The following PTPRK variants were observed in gnomAD, a reference collection of about 807,000 sequenced individuals.
PTPRK encodes receptor-type tyrosine-protein phosphatase kappa.
PTPRK carries 75 observed loss-of-function variants against 178.0 expected under a neutral mutation model. The ratio of observed to expected loss-of-function variants is 0.42; its 90% CI spans 0.35 to 0.51. The LOEUF (loss-of-function observed/expected upper bound fraction) is 0.51. PTPRK is among the 20% of genes least tolerant of loss of function. The pLI, the probability that PTPRK is intolerant of heterozygous loss-of-function variation, is 0.02. For synonymous variants in PTPRK, 637 were observed against 620.6 expected, an observed-to-expected ratio of 1.03 and a Z score of -0.39; for missense variants, 1,441 against 1,797.8, an observed-to-expected ratio of 0.80 and a Z score of 3.59.
intron 14 of PTPRK, among the ~76,000 whole-genome samples, chr6:128,007,331 T>C (rs1472701006): frequency 1.3e-5 from 2 of 150,876 alleles, no homozygotes; most frequent in African/African-American, 4.8e-5. Context: ...TCTTTAAAAG[T>C]GCAGCTTTTC....
chr6:128,324,183 C>T (rs965218943), intron 2 of PTPRK, among the ~76,000 whole-genome samples: 1 of 152,020 alleles, frequency 6.6e-6, no homozygotes, highest in Non-Finnish European at 1.5e-5. Context: ...ACAGTTCCAC[C>T]CCCTCCCCTC....
chr6:128,059,776 A>G (rs1780506803), intron 13 of PTPRK, among the ~76,000 whole-genome samples: 1 of 152,166 alleles, frequency 6.6e-6, no homozygotes, highest in South Asian at 2.1e-4. Flanking sequence ...AAATGCTTGA[A>G]TCATCTTCAG....
chr6:128,456,168 G>T (rs1439137130), intron 1 of PTPRK, among the ~76,000 whole-genome samples: 1 of 151,916 alleles, frequency 6.6e-6, no homozygotes, highest in African/African-American at 2.4e-5. Context: ...CTGAAAATCT[G>T]CCCTGACAAA....
Position 128,231,772 on chromosome 6 carries a change from C to T in PTPRK, c.693+8263G>A, listed in dbSNP as rs143183734. On this transcript the variant is annotated intron_variant, in intron 5 of 29. Coordinates refer to ENST00000368226, the MANE Select transcript of PTPRK (RefSeq NM_002844.4). ...AAACAATGGTTCTAATAGACAAATGCGCTCCAAAACTAGAAATTGAAAAAA... is the reference window on the plus strand; with the variant it reads ...AAACAATGGTTCTAATAGACAAATGTGCTCCAAAACTAGAAATTGAAAAAA... Among the ~76,000 whole-genome samples the T allele has an allele frequency of 4.6e-3, 700 of 152,272 alleles. 5 individuals are homozygous for T. Among genetic ancestry groups the T allele is most frequent in the African/African-American group, 0.016 (665 of 41,556 alleles).
rs116757880 is a variant in PTPRK, at chr6:128,209,026, T to A, written c.868+9896A>T. 1.3e-3 allele frequency among the ~76,000 whole-genome samples: 202 copies of A among 152,248 alleles called. 1 individual carries two copies. The highest frequency in any genetic ancestry group is 4.6e-3 in the African/African-American group (192 of 41,564). The stretch of plus-strand genomic sequence containing the variant: ...CTCCTACTGTCATTACACAATGCTT[T>A]AACAACATTGCTGCCTAATCTCTCA... On this transcript the variant is annotated intron_variant, in intron 6 of 29. Transcript: ENST00000368226.
At chr6:128,064,154 T>C (rs7769691) in intron 13 of PTPRK, among the ~76,000 whole-genome samples, 131,434 of 152,224 alleles carry the variant, frequency 0.86, 56,907 homozygotes, top group East Asian at 1. Flanking sequence ...ACTCTAAATA[T>C]TCATTCAAAG....
chr6:128,047,194 C>T (rs907455342), intron 13 of PTPRK, among the ~76,000 whole-genome samples: 2 of 152,088 alleles, frequency 1.3e-5, no homozygotes, highest in Admixed American at 1.3e-4. Flanking sequence ...TCTTTTGTAA[C>T]AAGTGATTGT....
rs191491453 is a variant in PTPRK at position 128,438,511 on chromosome 6, C to T, written c.101-40823G>A. The stretch of plus-strand genomic sequence containing the variant: ...CAGGAAATGGAGAAGAGCCAGTCAG[C>T]ATTCATCTCTCTACTTCTGTCCAAC... On this transcript the variant is annotated intron_variant, in intron 1 of 29. Transcript: ENST00000368226. Among the ~76,000 whole-genome samples the T allele has an allele frequency of 1.9e-3, 291 of 152,330 alleles. 2 individuals are homozygous for T. Among genetic ancestry groups the T allele is most frequent in the African/African-American group, 6.6e-3 (274 of 41,568 alleles).
At chr6:128,296,595 C>T (rs1195281071) in intron 3 of PTPRK, among the ~76,000 whole-genome samples, 1 of 152,130 alleles carries the variant, frequency 6.6e-6, no homozygotes, top group Non-Finnish European at 1.5e-5. Flanking sequence ...AAAGAATTTT[C>T]AACCCAGAAT....
intron 2 of PTPRK, among the ~76,000 whole-genome samples, chr6:128,330,055 G>C (rs1312975014): frequency 6.6e-6 from 1 of 152,142 alleles, no homozygotes; most frequent in East Asian, 1.9e-4. Flanking sequence ...CTAGCTCTTG[G>C]CATTGAGTGA....
chr6:128,282,762 TA>T (rs775519003), intron 3 of PTPRK, among the ~76,000 whole-genome samples: 2 of 152,152 alleles, frequency 1.3e-5, no homozygotes, highest in Non-Finnish European at 2.9e-5. Context: ...AGGGATTCTG[TA>T]AAGATTAATT....
chr6:128,478,024 A>G (rs2128422021), intron 1 of PTPRK, among the ~76,000 whole-genome samples: 1 of 152,260 alleles, frequency 6.6e-6, no homozygotes, highest in Admixed American at 6.5e-5. Context: ...TACTTAGGGC[A>G]AATGTGTGGA....
chr6:128,431,834 G>A (rs1844872539), intron 1 of PTPRK, among the ~76,000 whole-genome samples: 1 of 152,166 alleles, frequency 6.6e-6, no homozygotes, highest in African/African-American at 2.4e-5. Flanking sequence ...GAATCCAAAT[G>A]AATAACGGTT....
At chr6:128,315,753 T>C (rs1827907930) in intron 3 of PTPRK, among the ~76,000 whole-genome samples, 1 of 152,164 alleles carries the variant, frequency 6.6e-6, no homozygotes, top group Non-Finnish European at 1.5e-5. Context: ...AAATGAAAAA[T>C]GTATTTGTTT....
chr6:128,032,017 C>T (rs752659789), intron 13 of PTPRK, among the ~76,000 whole-genome samples: 21 of 152,178 alleles, frequency 1.4e-4, no homozygotes, highest in Non-Finnish European at 1.6e-4. Context: ...GTCACAACAG[C>T]AAGGACTTGC....
chr6:128,450,858 C>CTGT (rs1847700994), intron 1 of PTPRK, among the ~76,000 whole-genome samples: 1 of 152,078 alleles, frequency 6.6e-6, no homozygotes, highest in East Asian at 1.9e-4. Context: ...TGTTGCATAT[C>CTGT]AAAATAAGAT....
intron 11 of PTPRK, 111 bp from the exon 12 acceptor site, chr6:128,067,903 T>C (rs1582832586): frequency 9.6e-7 from 1 of 1,044,058 alleles, no homozygotes; most frequent in East Asian, 2.7e-5. Context: ...CATTTCAAAG[T>C]ATTTAAAGTT....
At chr6:128,133,775 A>T (rs1794610806) in intron 7 of PTPRK, among the ~76,000 whole-genome samples, 1 of 151,602 alleles carries the variant, frequency 6.6e-6, no homozygotes, top group African/African-American at 2.4e-5. Context: ...CTGTTCTCGA[A>T]CTCTTGGGCT....
intron 1 of PTPRK, among the ~76,000 whole-genome samples, chr6:128,427,677 T>A (rs1342532545): frequency 6.6e-6 from 1 of 152,196 alleles, no homozygotes; most frequent in African/African-American, 2.4e-5. Flanking sequence ...AAGCTAGATA[T>A]CGTCTTCAAT....
Sources: allele counts gnomAD v4.1 joint callset (sites outside exome capture counted in the v4.1 genomes callset), GRCh38; gene constraint gnomAD v4.1.1; transcripts MANE v1.5; gene names NCBI Gene and HGNC (gene_info 2026-07-23, HGNC 2026-07-21).